Variants in GRID1 observed in about 807,000 individuals in gnomAD.
GRID1 encodes glutamate ionotropic receptor delta type subunit 1.
A neutral mutation model predicts 98.0 loss-of-function variants in GRID1; 28 were observed. The ratio of observed to expected loss-of-function variants is 0.29; its 90% confidence interval spans 0.21 to 0.39. The LOEUF (loss-of-function observed/expected upper bound fraction) is 0.39. Ranked by LOEUF, GRID1 falls within the 10% of genes least tolerant of loss-of-function variation. The pLI, the probability that GRID1 is intolerant of heterozygous loss-of-function variation, is 1.00. For synonymous variants in GRID1, 553 were observed against 538.5 expected (o/e 1.03, Z -0.37); for missense variants, 1,111 against 1,340.5 (o/e 0.83, Z 2.67).
chr10:85,657,657 A>C (rs2132565308), intron 12 of GRID1, among the ~76,000 whole-genome samples: 1 of 152,276 alleles, frequency 6.6e-6, no homozygotes, highest in East Asian at 1.9e-4. Flanking sequence ...GCTTGAACCA[A>C]AGAACTGTGG....
At chr10:85,614,060 A>G (rs1239984198) in intron 14 of GRID1, among the ~76,000 whole-genome samples, 2 of 152,228 alleles carry the variant, frequency 1.3e-5, no homozygotes, top group African/African-American at 2.4e-5. Flanking sequence ...TTGAGCTTTC[A>G]TTACTATATC....
chr10:85,938,467 C>G (rs1160475101), intron 4 of GRID1, among the ~76,000 whole-genome samples: 2 of 152,156 alleles, frequency 1.3e-5, no homozygotes, highest in African/African-American at 4.8e-5. Context: ...ATATGCTGGG[C>G]AGTGTGCTCA....
At chr10:85,815,942 A>T (rs961995868) in intron 8 of GRID1, among the ~76,000 whole-genome samples, 12 of 151,998 alleles carry the variant, frequency 7.9e-5, no homozygotes, top group Non-Finnish European at 1.0e-4. Context: ...ATGCAAATTA[A>T]CACCTCAATT....
intron 3 of GRID1, among the ~76,000 whole-genome samples, chr10:86,176,059 G>A (rs1473886915): frequency 2.0e-5 from 3 of 152,126 alleles, no homozygotes; most frequent in Non-Finnish European, 4.4e-5. Flanking sequence ...TGGCCAGGCT[G>A]GTCTCGAACC....
chr10:86,027,236 T>C (rs1368415437), intron 4 of GRID1, among the ~76,000 whole-genome samples: 1 of 152,234 alleles, frequency 6.6e-6, no homozygotes, highest in Non-Finnish European at 1.5e-5. Context: ...CTTATATCCA[T>C]TAGCAGTCAC....
intron 4 of GRID1, among the ~76,000 whole-genome samples, chr10:85,990,237 A>C (rs755530576): frequency 6.6e-6 from 1 of 152,244 alleles, no homozygotes; most frequent in Non-Finnish European, 1.5e-5. Context: ...AGGCATCGTT[A>C]GCTTCACAAT....
rs1315437271 is a variant in GRID1 at position 85,865,123 on chromosome 10, T to C, written c.951+3887A>G. ...AGGGACTGGTTATCACTTTTATTAC[T>C]GGCTGAGTCAGACAAGTCCTAAACT... is the stretch of plus-strand genomic sequence containing the variant. On this transcript the variant is annotated intron_variant, in intron 6 of 15. Coordinates refer to ENST00000327946, the MANE Select transcript of GRID1 (RefSeq NM_017551.3). Among the ~76,000 whole-genome samples the C allele has an allele frequency of 3.9e-5, 6 of 152,180 alleles. No homozygotes were observed. The East Asian group carries it at 7.7e-4, about 20-fold the overall frequency.
intron 12 of GRID1, among the ~76,000 whole-genome samples, chr10:85,708,231 C>T (rs1404484840): frequency 6.6e-6 from 1 of 151,436 alleles, no homozygotes; most frequent in Non-Finnish European, 1.5e-5. Flanking sequence ...AGTGAAACCC[C>T]ATCTCAACTA....
chr10:86,140,958 T>C (rs1845002356), intron 3 of GRID1, among the ~76,000 whole-genome samples: 4 of 152,010 alleles, frequency 2.6e-5, no homozygotes, highest in Non-Finnish European at 4.4e-5. Flanking sequence ...AGATGGCAAA[T>C]GCATGATCAC....
Position 85,916,010 on chromosome 10 carries a change from G to A in GRID1, c.780+176C>T, listed in dbSNP as rs1410148275. On this transcript the variant is annotated intron_variant, in intron 5 of 15. Transcript: ENST00000327946. The surrounding 1 kb of genome is among the most constrained non-coding windows in gnomAD (Gnocchi z 4.0). ...TCTTTCTCTCGTTCCCACCTGCCAGGTGAGCACCCTGCTAGGTCAAGTTCA... is the reference window on the plus strand; with the variant it reads ...TCTTTCTCTCGTTCCCACCTGCCAGATGAGCACCCTGCTAGGTCAAGTTCA... Among the ~76,000 whole-genome samples, 6 of 152,186 alleles carry A rather than the reference G, an allele frequency of 3.9e-5. No individual in the cohort carries two copies. Among genetic ancestry groups the A allele is most frequent in the Non-Finnish European group, 5.9e-5 (4 of 68,034 alleles).
intron 8 of GRID1, among the ~76,000 whole-genome samples, chr10:85,809,393 A>T (rs1464521773): frequency 6.6e-6 from 1 of 152,200 alleles, no homozygotes; most frequent in Non-Finnish European, 1.5e-5. Context: ...ACCTACTTAA[A>T]CACATTATAG....
At chr10:85,941,079 T>C (rs1284496873) in intron 4 of GRID1, among the ~76,000 whole-genome samples, 1 of 152,224 alleles carries the variant, frequency 6.6e-6, no homozygotes. Flanking sequence ...ATCTGTGATG[T>C]GTGATGTGTA....
chr10:86,214,508 A>C, intron 2 of GRID1, among the ~76,000 whole-genome samples: 1 of 152,150 alleles, frequency 6.6e-6, no homozygotes, highest in South Asian at 2.1e-4. Context: ...TTCTGCCCAT[A>C]AGCAGAAGCA....
chr10:86,336,124 C>G (rs1452527148), intron 2 of GRID1, among the ~76,000 whole-genome samples: 4 of 152,230 alleles, frequency 2.6e-5, no homozygotes, highest in Admixed American at 1.3e-4. Flanking sequence ...GGCTGTGTCT[C>G]TATCACAGAC....
At chr10:86,038,765 G>A (rs1843305372) in intron 4 of GRID1, among the ~76,000 whole-genome samples, 1 of 152,150 alleles carries the variant, frequency 6.6e-6, no homozygotes, top group Admixed American at 6.5e-5. Context: ...ACGTAACTTT[G>A]TGCATGTCTG....
intron 8 of GRID1, among the ~76,000 whole-genome samples, chr10:85,835,834 T>C (rs902998649): frequency 3.3e-5 from 5 of 152,160 alleles, no homozygotes; most frequent in Non-Finnish European, 7.3e-5. Context: ...ACAGAGTATG[T>C]TATCTGATTA....
rs534333657 is a variant in GRID1 at position 86,069,476 on chromosome 10, G to A, written c.726+69343C>T. Among the ~76,000 whole-genome samples the A allele has an allele frequency of 9.4e-4, 143 of 152,226 alleles. 1 individual carries two copies. Among genetic ancestry groups the A allele is most frequent in the Non-Finnish European group, 1.6e-3 (112 of 68,000 alleles). On this transcript the variant is annotated intron_variant, in intron 4 of 15. Transcript: ENST00000327946. The stretch of plus-strand genomic sequence containing the variant: ...ACCCTGGCTAACACGGTGAAACCCC[G>A]TCTCTACCAAACATACAAAAAATTG...
intron 4 of GRID1, among the ~76,000 whole-genome samples, chr10:85,952,778 C>T (rs1173472951): frequency 6.6e-6 from 1 of 152,216 alleles, no homozygotes; most frequent in Non-Finnish European, 1.5e-5. Context: ...GAACTGTACA[C>T]AGTTGATCCT....
At chr10:85,869,342 A>G (rs758521082) in intron 5 of GRID1, among the ~76,000 whole-genome samples, 162 bp from the exon 6 acceptor site, 7 of 152,224 alleles carry the variant, frequency 4.6e-5, no homozygotes, top group Non-Finnish European at 8.8e-5. Flanking sequence ...TTCACAAATA[A>G]TACTTGCTAT....
Sources: gnomAD v4.1 joint callset for allele counts (sites outside exome capture counted in the v4.1 genomes callset) on GRCh38, gnomAD v4.1.1 for gene constraint, Gnocchi (gnomAD v3.1) non-coding constraint, MANE v1.5 for transcripts, NCBI Gene and HGNC (gene_info 2026-07-23, HGNC 2026-07-21) for gene names.